CHRNA1: variants seen among roughly 807,000 people sequenced by gnomAD.
CHRNA1 encodes cholinergic receptor nicotinic alpha 1 subunit.
CHRNA1 carries 35 observed loss-of-function variants against 47.1 expected under a neutral mutation model. The ratio of observed to expected loss-of-function variants is 0.74; its 90% CI spans 0.57 to 0.99. The LOEUF (loss-of-function observed/expected upper bound fraction) is 0.99, where lower values mean the gene tolerates loss of function less well. Among genes scored for constraint, CHRNA1 ranks in the 50% least tolerant of loss-of-function variants. CHRNA1 has a pLI of 0.00. For missense variants in CHRNA1, 506 were observed against 591.1 expected, an observed-to-expected ratio of 0.86 and a Z score of 1.49; for synonymous variants, 229 against 223.6, an observed-to-expected ratio of 1.02 and a Z score of -0.22.
In CHRNA1 at chr2:174,753,558, G is replaced by A. The variant is rs189442556; in HGVS notation, c.723C>T (p.Pro241=). The A allele has an allele frequency of 5.9e-4, 957 of 1,614,200 alleles. 9 individuals carry two copies. The South Asian group carries it at 8.9e-3, about 15-fold the overall frequency. ...PLYFIVNVII[P]CLLFSFLTGL... ...CAGTTAAGAAGGAGAAGAGCAGGCA[G>A]GGGATGATGACGTTGACGATGAAGT... Residue 241 remains proline (P), a synonymous_variant, in exon 6 of 9, where the codon CCC becomes CCT. Coordinates refer to ENST00000348749, the MANE Select transcript of CHRNA1 (RefSeq NM_000079.4).
At chr2:174,754,962 A>G (rs1414668526) in intron 4 of CHRNA1, among the ~76,000 whole-genome samples, 1 of 145,236 alleles carries the variant, frequency 6.9e-6, no homozygotes, top group Non-Finnish European at 1.5e-5. Flanking sequence ...CTTGGCTCAC[A>G]GCAACCTCCA....
chr2:174,755,545 A>G (rs1296349862), intron 4 of CHRNA1, among the ~76,000 whole-genome samples: 1 of 151,330 alleles, frequency 6.6e-6, no homozygotes, highest in Non-Finnish European at 1.5e-5. Flanking sequence ...TCAGCTCCCG[A>G]GTAGCTGGGA....
chr2:174,759,456 G>A (rs552311968), intron 2 of CHRNA1, 32 bp downstream of exon 2: 3 of 1,614,164 alleles, frequency 1.9e-6, no homozygotes, highest in East Asian at 2.2e-5. Context: ...AGGTGTGGGT[G>A]TGTGGGCAGG....
At position 174,753,121 on chromosome 2, in the gene CHRNA1, G is replaced by A; in HGVS notation, c.778+382C>T. 2.0e-5 allele frequency: 10 copies of A among 489,454 alleles called. 1 individual carries two copies. The South Asian group carries it at 2.2e-4, about 11-fold the overall frequency. The allele number at this position is 489,454 out of a possible 1,614,324, so 30.3% of individuals were successfully genotyped here. ...AAAGGGGCAAGACCAGGATTAGTCA[G>A]TACATAGAAAGTGACTTCATCGTGG... On this transcript the variant is annotated intron_variant, in intron 6 of 8. Coordinates refer to ENST00000348749, the MANE Select transcript of CHRNA1 (RefSeq NM_000079.4).
At position 174,748,601 on chromosome 2, in the gene CHRNA1, C is replaced by T; in HGVS notation, c.1221G>A (p.Lys407=). The T allele has an allele frequency of 6.2e-7, 1 of 1,613,288 alleles. No individual in the cohort carries two copies. The highest frequency in any genetic ancestry group is 8.5e-7 in the Non-Finnish European group (1 of 1,179,262). Residue 407 remains lysine, a synonymous_variant, in exon 8 of 9, where the codon AAG becomes AAA. Transcript: ENST00000348749. The part of the protein sequence containing the change: ...EGIKYIAETM[K]SDQESNNAAA... ...TTACATTGTTAGACTCCTGGTCTGA[C>T]TTCATGGTCTCTGCGATGTACTTGA...
intron 3 of CHRNA1, chr2:174,758,096 A>C (rs1684019249): frequency 6.2e-7 from 1 of 1,605,822 alleles, no homozygotes; most frequent in South Asian, 1.1e-5. Context: ...TTTAAAAAGT[A>C]CCATATATTT....
chr2:174,759,256 T>C (rs912117376), intron 3 of CHRNA1, 75 bp downstream of exon 3: 1 of 1,449,740 alleles, frequency 6.9e-7, no homozygotes. Flanking sequence ...GTTACCCATA[T>C]TGATTTCCTC....
chr2:174,751,072 A>T (rs1307364198), intron 6 of CHRNA1, among the ~76,000 whole-genome samples: 49 of 152,362 alleles, frequency 3.2e-4, no homozygotes, highest in Admixed American at 9.8e-4. Context: ...ATCTTCTGAT[A>T]CAGTGGTTTC....
At chr2:174,756,005 C>T (rs1402924442) in intron 4 of CHRNA1, among the ~76,000 whole-genome samples, 1 of 148,982 alleles carries the variant, frequency 6.7e-6, no homozygotes. Flanking sequence ...CACAACACTC[C>T]AGCCTGAGCA....
chr2:174,762,025 C>T (rs1175556675), intron 1 of CHRNA1, among the ~76,000 whole-genome samples: 1 of 152,128 alleles, frequency 6.6e-6, no homozygotes, highest in Non-Finnish European at 1.5e-5. Context: ...CTATGCAGAC[C>T]AACCCTATGG....
chr2:174,756,940 G>A (rs1189304227), intron 4 of CHRNA1, among the ~76,000 whole-genome samples: 2 of 152,148 alleles, frequency 1.3e-5, no homozygotes, highest in Non-Finnish European at 2.9e-5. Context: ...GCTAATGAAC[G>A]TGTCATTAGA....
chr2:174,754,117 G>T, intron 5 of CHRNA1, 102 bp downstream of exon 5: 1 of 1,086,862 alleles, frequency 9.2e-7, no homozygotes, highest in Non-Finnish European at 1.4e-6. Context: ...TGATTCCTAA[G>T]TTCTAACTGG....
At chr2:174,753,807 TCAGC>T (rs1413164456) in intron 5 of CHRNA1, 67 bp from the exon 6 acceptor site, 2 of 1,462,964 alleles carry the variant, frequency 1.4e-6, no homozygotes, top group East Asian at 2.3e-5. Flanking sequence ...CGTTTTGTAA[TCAGC>T]AGTGACAAGG....
At chr2:174,763,924 T>C (rs774771911) in intron 1 of CHRNA1, among the ~76,000 whole-genome samples, 1 of 152,188 alleles carries the variant, frequency 6.6e-6, no homozygotes, top group Non-Finnish European at 1.5e-5. Context: ...AGAATTCTCC[T>C]GGAGCAGTAA....
At chr2:174,750,853 G>A (rs142082887) in intron 6 of CHRNA1, among the ~76,000 whole-genome samples, 163 of 152,216 alleles carry the variant, frequency 1.1e-3, no homozygotes, top group African/African-American at 3.7e-3. Context: ...TGGACAAGCT[G>A]GACTCGGTGT....
At chr2:174,757,720 T>C (rs760768769) in intron 3 of CHRNA1, 45 bp from the exon 4 acceptor site, 3 of 1,522,714 alleles carry the variant, frequency 2.0e-6, no homozygotes, top group Non-Finnish European at 1.8e-6. Context: ...AAAAACACTT[T>C]CTAAAATCTA....
At chr2:174,753,080 G>C in intron 6 of CHRNA1, 1 of 332,056 alleles carries the variant, frequency 3.0e-6, no homozygotes, top group Non-Finnish European at 5.6e-6. Context: ...CTATTTTCAA[G>C]TGGTGAGCAG....
chr2:174,755,721 G>A (rs200288357), intron 4 of CHRNA1, among the ~76,000 whole-genome samples: 12 of 152,022 alleles, frequency 7.9e-5, no homozygotes, highest in East Asian at 7.7e-4. Context: ...CCAGTGAAAC[G>A]TAGATTTTTT....
chr2:174,749,640 G>A (rs554949087), intron 7 of CHRNA1, among the ~76,000 whole-genome samples: 2 of 152,118 alleles, frequency 1.3e-5, no homozygotes, highest in Non-Finnish European at 2.9e-5. Context: ...AAGAAATCGC[G>A]AGAATTTCAC....
Sources: gnomAD v4.1 joint callset for allele counts (sites outside exome capture counted in the v4.1 genomes callset) on GRCh38, gnomAD v4.1.1 for gene constraint, MANE v1.5 for transcripts, NCBI Gene and HGNC (gene_info 2026-07-23, HGNC 2026-07-21) for gene names.